The following SNAP91 variants were observed in gnomAD, a reference collection of about 807,000 sequenced individuals.
The protein encoded by SNAP91 is synaptosome associated protein 91, also known as clathrin coat assembly protein AP180.
In SNAP91, 27 loss-of-function variants were observed where a neutral mutation model predicts 100.3. That is an observed-to-expected ratio of 0.27 (90% confidence interval 0.20 to 0.37). SNAP91 has a LOEUF of 0.37. Among genes scored for constraint, SNAP91 ranks in the 10% least tolerant of loss-of-function variants. The probability of loss-of-function intolerance (pLI) is 1.00; values close to 1 mark genes in which losing one functional copy is unlikely to be tolerated. For synonymous variants in SNAP91, 404 were observed against 398.6 expected (o/e 1.01, Z -0.16); for missense variants, 986 against 1,123.7 (o/e 0.88, Z 1.75).
At chr6:83,561,907 G>T (rs1788454286) in intron 26 of SNAP91, among the ~76,000 whole-genome samples, 1 of 152,128 alleles carries the variant, frequency 6.6e-6, no homozygotes, top group Admixed American at 6.5e-5. Context: ...TGTGCCTGTA[G>T]TCTTAGCTAC....
intron 2 of SNAP91, among the ~76,000 whole-genome samples, chr6:83,677,152 C>T (rs1586990896): frequency 6.6e-6 from 1 of 152,146 alleles, no homozygotes; most frequent in Non-Finnish European, 1.5e-5. Context: ...ACTTCATTCC[C>T]AACCACAGGA....
At chr6:83,637,045 G>C (rs752893002) in intron 8 of SNAP91, among the ~76,000 whole-genome samples, 10 of 152,118 alleles carry the variant, frequency 6.6e-5, no homozygotes, top group Admixed American at 2.0e-4. Flanking sequence ...CAGTCTCGTA[G>C]ACAGCTCTTC....
rs189696445 is a variant in SNAP91 at position 83,663,753 on chromosome 6, T to C, written c.274-1331A>G. On this transcript the variant is annotated intron_variant, in intron 3 of 29. Coordinates refer to ENST00000369694, the MANE Select transcript of SNAP91 (RefSeq NM_001242792.2). ...TATCCAGAAGATCTAGCTGAGATAA[T>C]TCATGAAGGTGGCTACATGAAACAG... Among the ~76,000 whole-genome samples, 21 of 152,236 alleles carry C rather than the reference T, an allele frequency of 1.4e-4. No homozygotes were observed. The East Asian group carries it at 4.1e-3, about 29-fold the overall frequency.
rs1775474492 is a variant in SNAP91 at position 83,554,906 on chromosome 6, C to T, written c.*11-621G>A. ...TAAAATAGTAATTCTCTCTGTGTCT[C>T]TGTCTTTGTCTGTCTCTGTCTCTCT... On this transcript the variant is annotated intron_variant, in intron 29 of 29. Transcript: ENST00000369694. Among the ~76,000 whole-genome samples the T allele has an allele frequency of 2.6e-5, 4 of 152,158 alleles. No homozygotes were observed. The South Asian group carries it at 8.3e-4, about 32-fold the overall frequency.
intron 20 of SNAP91, 104 bp downstream of exon 20, chr6:83,592,842 T>C: frequency 1.1e-6 from 1 of 873,266 alleles, no homozygotes; most frequent in South Asian, 1.6e-5. Flanking sequence ...GAAGTACATT[T>C]TAAATTTAAA....
intron 2 of SNAP91, among the ~76,000 whole-genome samples, chr6:83,697,592 T>G (rs950006313): frequency 6.6e-6 from 1 of 152,164 alleles, no homozygotes; most frequent in Non-Finnish European, 1.5e-5. Context: ...TGTCAGATCA[T>G]GGTCATGCAA....
At chr6:83,609,492 T>A (rs1458179161) in intron 12 of SNAP91, among the ~76,000 whole-genome samples, 2 of 152,210 alleles carry the variant, frequency 1.3e-5, no homozygotes, top group Admixed American at 1.3e-4. Context: ...ATCACTGGCA[T>A]AGTACATGGT....
chr6:83,590,174 G>A (rs943204278), intron 22 of SNAP91, among the ~76,000 whole-genome samples: 1 of 152,116 alleles, frequency 6.6e-6, no homozygotes, highest in Admixed American at 6.5e-5. Context: ...AACTACTGTT[G>A]TGCTTCCTGT....
chr6:83,577,325 A>G (rs1584856519), intron 24 of SNAP91, among the ~76,000 whole-genome samples: 1 of 152,248 alleles, frequency 6.6e-6, no homozygotes, highest in African/African-American at 2.4e-5. Flanking sequence ...AACACCAAAT[A>G]TAAAAATGAT....
intron 16 of SNAP91, among the ~76,000 whole-genome samples, chr6:83,595,754 T>G (rs1195895769): frequency 1.3e-5 from 2 of 152,214 alleles, no homozygotes; most frequent in Non-Finnish European, 2.9e-5. Flanking sequence ...GGCTACACAG[T>G]ACATGCTCTT....
intron 22 of SNAP91, among the ~76,000 whole-genome samples, chr6:83,583,758 C>A (rs186471079): frequency 2.0e-5 from 3 of 152,268 alleles, no homozygotes; most frequent in Non-Finnish European, 2.9e-5. Context: ...AGTTTACGTT[C>A]CATAGAATCG....
chr6:83,556,156 C>A lies in SNAP91; in HGVS notation c.2721G>T (p.Leu907Phe). Residue 907 changes from leucine to phenylalanine, a missense_variant, in exon 29 of 30, where the codon TTG (leucine) becomes TTT (phenylalanine). Physicochemically the swap from Leu to Phe is conservative, Grantham distance 22 (BLOSUM62 0). Around this residue, in one of 4 missense-constraint regions of SNAP91, gnomAD observed 71 missense variants for 68.5 expected, o/e 1.04. Coordinates refer to ENST00000369694, the MANE Select transcript of SNAP91 (RefSeq NM_001242792.2). ...PLADLNIKDF[L>F] Reference sequence around the variant, plus strand: ...AATATTAGATACCTTAAATTGTTTACAAGAAATCCTTGATGTTAAGATCCG... The same window carrying A: ...AATATTAGATACCTTAAATTGTTTAAAAGAAATCCTTGATGTTAAGATCCG... The A allele has an allele frequency of 6.4e-7, 1 of 1,551,312 alleles. No individual in the cohort carries two copies. Among genetic ancestry groups the A allele is most frequent in the Non-Finnish European group, 8.7e-7 (1 of 1,144,206 alleles).
At chr6:83,607,942 A>T in intron 12 of SNAP91, 134 bp from the exon 13 acceptor site, 1 of 431,198 alleles carries the variant, frequency 2.3e-6, no homozygotes, top group Non-Finnish European at 4.2e-6. Flanking sequence ...GGAAAAAAAA[A>T]CTCAATAAAA....
intron 16 of SNAP91, among the ~76,000 whole-genome samples, chr6:83,599,793 A>T (rs189037984): frequency 1.6e-4 from 25 of 152,258 alleles, no homozygotes; most frequent in African/African-American, 5.3e-4. Flanking sequence ...TTTTTAATTT[A>T]ATTTTATTTT....
chr6:83,587,847 G>C (rs916315446), intron 22 of SNAP91, among the ~76,000 whole-genome samples: 1 of 152,088 alleles, frequency 6.6e-6, no homozygotes, highest in Admixed American at 6.5e-5. Context: ...ATGTTCTTTA[G>C]TGAGAATATG....
intron 16 of SNAP91, among the ~76,000 whole-genome samples, chr6:83,594,889 C>T (rs2094283299): frequency 6.6e-6 from 1 of 152,100 alleles, no homozygotes; most frequent in Non-Finnish European, 1.5e-5. Context: ...ATGTCCCTGT[C>T]TCATAGTTTC....
At chr6:83,651,765 G>A (rs1006995238) in intron 7 of SNAP91, among the ~76,000 whole-genome samples, 4 of 152,048 alleles carry the variant, frequency 2.6e-5, no homozygotes, top group African/African-American at 9.7e-5. Context: ...ATATCTAGTT[G>A]ATGGTGTTGT....
At chr6:83,660,380 T>TA (rs3839441) in intron 5 of SNAP91, among the ~76,000 whole-genome samples, 9 of 152,286 alleles carry the variant, frequency 5.9e-5, no homozygotes, top group African/African-American at 1.2e-4. Flanking sequence ...ACCACCATGG[T>TA]AAAAAAAGTA....
At chr6:83,578,406 C>T (rs1239497436) in intron 24 of SNAP91, among the ~76,000 whole-genome samples, 1 of 152,086 alleles carries the variant, frequency 6.6e-6, no homozygotes, top group African/African-American at 2.4e-5. Flanking sequence ...TATCTCCATC[C>T]TATTGGGTAT....
Sources: gnomAD v4.1 joint callset for allele counts (sites outside exome capture counted in the v4.1 genomes callset) on GRCh38, gnomAD v4.1.1 for gene constraint, gnomAD v4.1.1 regional missense constraint, MANE v1.5 for transcripts, NCBI Gene and HGNC (gene_info 2026-07-23, HGNC 2026-07-21) for gene names.